Variants in CACNA1C observed in about 807,000 individuals in gnomAD.
The protein encoded by CACNA1C is calcium voltage-gated channel subunit alpha1 C.
A neutral mutation model predicts 229.0 loss-of-function variants in CACNA1C; 30 were observed. The ratio of observed to expected loss-of-function variants is 0.13; its 90% CI spans 0.10 to 0.18. The LOEUF (loss-of-function observed/expected upper bound fraction) is 0.18. CACNA1C is among the 10% of genes least tolerant of loss of function. The pLI, the probability that CACNA1C is intolerant of heterozygous loss-of-function variation, is 1.00. For synonymous variants in CACNA1C, 1,114 were observed against 1,132.5 expected (o/e 0.98, Z 0.33); for missense variants, 1,658 against 2,845.0 (o/e 0.58, Z 9.49).
At chr12:2,021,541 G>A (rs146670496) in intron 1 of CACNA1C, among the ~76,000 whole-genome samples, 4 of 152,206 alleles carry the variant, frequency 2.6e-5, no homozygotes, top group African/African-American at 9.6e-5. Flanking sequence ...TAAGCAGGGC[G>A]TAGTGGTAGG....
chr12:2,017,200 A>G (rs1450715627), intron 1 of CACNA1C, among the ~76,000 whole-genome samples: 2 of 152,230 alleles, frequency 1.3e-5, no homozygotes, highest in Non-Finnish European at 2.9e-5. Context: ...GAGGGCCTAC[A>G]TGAGACTGGG....
intron 3 of CACNA1C, among the ~76,000 whole-genome samples, chr12:2,240,261 C>G (rs2069357009): frequency 6.6e-6 from 1 of 152,230 alleles, no homozygotes; most frequent in Non-Finnish European, 1.5e-5. Context: ...CCCTTGCTCC[C>G]CTTCTTGCTG....
intron 1 of CACNA1C, among the ~76,000 whole-genome samples, chr12:2,083,421 G>T (rs1434335107): frequency 6.6e-6 from 1 of 152,210 alleles, no homozygotes; most frequent in Admixed American, 6.5e-5. Flanking sequence ...TCTCCCAGGG[G>T]TGTGCCAGAG....
At chr12:2,444,842 T>C (rs1398744164) in intron 3 of CACNA1C, among the ~76,000 whole-genome samples, 1 of 152,090 alleles carries the variant, frequency 6.6e-6, no homozygotes, top group African/African-American at 2.4e-5. Flanking sequence ...TCCCACTATC[T>C]CTACTTTGGC....
rs1264147828 is a variant in CACNA1C, at chr12:2,605,407, C to G, written c.3048+239C>G. On this transcript the variant is annotated intron_variant, in intron 23 of 46. Coordinates refer to ENST00000399655, the MANE Select transcript of CACNA1C (RefSeq NM_000719.7). This position sits in a 1 kb window ranked among gnomAD's most constrained non-coding sequence, Gnocchi z 6.2. ...GCCAAAGGGAGATCCCACACAAACC[C>G]TGTGCCCCTGTGGTGCCACCATCCC... Among the ~76,000 whole-genome samples, 1 of 152,246 alleles carries G rather than the reference C, an allele frequency of 6.6e-6. No individual in the cohort carries two copies. The highest frequency in any genetic ancestry group is 6.5e-5 in the Admixed American group (1 of 15,288).
chr12:2,131,774 A>T (rs2092270187), intron 3 of CACNA1C, among the ~76,000 whole-genome samples: 1 of 150,134 alleles, frequency 6.7e-6, no homozygotes, highest in African/African-American at 2.5e-5. Context: ...CTTAGGATTG[A>T]CTTGGCAATG....
intron 3 of CACNA1C, among the ~76,000 whole-genome samples, chr12:2,180,525 T>C (rs1237827437): frequency 6.6e-6 from 1 of 152,210 alleles, no homozygotes; most frequent in Admixed American, 6.5e-5. Flanking sequence ...ATATTTTAGG[T>C]CTTGGTAGGT....
At chr12:2,331,657 A>G (rs2096552636) in intron 3 of CACNA1C, among the ~76,000 whole-genome samples, 3 of 152,268 alleles carry the variant, frequency 2.0e-5, no homozygotes, top group Non-Finnish European at 4.4e-5. Context: ...TCCTTAGGAC[A>G]TAATGCCAAC....
chr12:2,021,908 A>G (rs2046528142), intron 1 of CACNA1C, among the ~76,000 whole-genome samples: 1 of 152,194 alleles, frequency 6.6e-6, no homozygotes, highest in African/African-American at 2.4e-5. Context: ...ATTGGGGGTT[A>G]AGTTTCCAAC....
chr12:2,302,027 G>A (rs759121119), intron 3 of CACNA1C, among the ~76,000 whole-genome samples: 2 of 152,146 alleles, frequency 1.3e-5, no homozygotes, highest in Non-Finnish European at 2.9e-5. Context: ...TGATTTATTA[G>A]GAAACAATTT....
At chr12:2,377,472 T>C (rs2098111367) in intron 3 of CACNA1C, among the ~76,000 whole-genome samples, 1 of 152,190 alleles carries the variant, frequency 6.6e-6, no homozygotes, top group South Asian at 2.1e-4. Context: ...TTACAGCGGC[T>C]ATCACAGGTG....
Position 2,566,405 on chromosome 12 carries a change from C to T in CACNA1C, c.1509-17C>T. 6.3e-7 allele frequency: 1 copy of T among 1,576,590 alleles called. No homozygotes were observed. The highest frequency in any genetic ancestry group is 8.6e-7 in the Non-Finnish European group (1 of 1,160,732). On this transcript the variant is annotated splice_polypyrimidine_tract_variant and intron_variant, in intron 11 of 46. Coordinates refer to ENST00000399655, the MANE Select transcript of CACNA1C (RefSeq NM_000719.7). The surrounding 1 kb of genome is among the most constrained non-coding windows in gnomAD (Gnocchi z 4.0). ...TTCACAGCCAACCCCACCCTTCTCT[C>T]CCTGTCCCCTTTCCAGCCGCTACTG...
chr12:1,978,378 G>A (rs543384764), intron 1 of CACNA1C, among the ~76,000 whole-genome samples: 3 of 152,318 alleles, frequency 2.0e-5, no homozygotes, highest in Non-Finnish European at 4.4e-5. Context: ...TAAAGAGTTA[G>A]TGTAATATTC....
At chr12:2,314,487 C>T (rs1039498006) in intron 3 of CACNA1C, among the ~76,000 whole-genome samples, 5 of 152,190 alleles carry the variant, frequency 3.3e-5, no homozygotes, top group Admixed American at 6.5e-5. Flanking sequence ...TCACACCTCT[C>T]GTGCCCCAAC....
intron 3 of CACNA1C, among the ~76,000 whole-genome samples, chr12:2,409,369 C>T (rs1373062488): frequency 6.6e-6 from 1 of 152,068 alleles, no homozygotes; most frequent in African/African-American, 2.4e-5. Flanking sequence ...AGGGACCCAT[C>T]CTCTGGGAAG....
chr12:2,160,869 G>A (rs1811219), intron 3 of CACNA1C, among the ~76,000 whole-genome samples: 1,828 of 152,154 alleles, frequency 0.012, 38 homozygotes, highest in African/African-American at 0.041. Context: ...TCACCCAGGC[G>A]GGAGTGCAGT....
In CACNA1C at chr12:2,679,255, C is replaced by G. The variant is rs2096992975; in HGVS notation, c.5092-189C>G. ...GAGCCTTGAGACTCCGGGTCCCTCC[C>G]TCTCTGGAGCAGCCAGGCATGAAGA... On this transcript the variant is annotated intron_variant, in intron 41 of 46. Coordinates refer to ENST00000399655, the MANE Select transcript of CACNA1C (RefSeq NM_000719.7). This position sits in a 1 kb window ranked among gnomAD's most constrained non-coding sequence, Gnocchi z 5.5. 6.6e-6 allele frequency among the ~76,000 whole-genome samples: 1 copy of G among 152,236 alleles called. No individual in the cohort carries two copies. Among genetic ancestry groups the G allele is most frequent in the Non-Finnish European group, 1.5e-5 (1 of 68,044 alleles).
At chr12:2,079,131 G>C (rs1261188742) in intron 1 of CACNA1C, among the ~76,000 whole-genome samples, 1 of 134,942 alleles carries the variant, frequency 7.4e-6, no homozygotes, top group Non-Finnish European at 1.5e-5. Flanking sequence ...GGCTGTTGTG[G>C]GGTGGGGGGA....
In CACNA1C at chr12:2,611,914, G is replaced by C; in HGVS notation, c.3729G>C (p.Gln1243His). The C allele has an allele frequency of 6.2e-7, 1 of 1,611,742 alleles. No individual in the cohort carries two copies. Among genetic ancestry groups the C allele is most frequent in the Non-Finnish European group, 8.5e-7 (1 of 1,177,940 alleles). ...TICLAMQHYG[Q>H]SCLFKIAMNI... The stretch of plus-strand genomic sequence containing the variant: ...CTCTCCTGATGCAGCACTACGGCCA[G>C]AGCTGCCTGTTCAAAATCGCCATGA... Residue 1243 changes from glutamine to histidine, a missense_variant, in exon 29 of 47, where the codon CAG becomes CAC. This residue lies in a region of CACNA1C where 67 missense variants were observed against 106.4 expected (regional missense o/e 0.63). Coordinates refer to ENST00000399655, the MANE Select transcript of CACNA1C (RefSeq NM_000719.7).
Sources: allele counts gnomAD v4.1 joint callset (sites outside exome capture counted in the v4.1 genomes callset), GRCh38; gene constraint gnomAD v4.1.1; regional missense constraint gnomAD v4.1.1; non-coding constraint Gnocchi (gnomAD v3.1); transcripts MANE v1.5; gene names NCBI Gene and HGNC (gene_info 2026-07-23, HGNC 2026-07-21).